ENTPD4: variants seen among roughly 807,000 people sequenced by gnomAD.
ENTPD4 encodes Golgi UDPase.
ENTPD4 carries 60 observed loss-of-function variants against 79.1 expected under a neutral mutation model. The observed-to-expected ratio is 0.76, with a 90% CI of 0.62 to 0.94. The LOEUF (loss-of-function observed/expected upper bound fraction) is 0.94. Ranked by LOEUF, ENTPD4 falls within the 40% of genes least tolerant of loss-of-function variation. The pLI is 0.00. For synonymous variants in ENTPD4, 276 were observed against 292.0 expected (o/e 0.95, Z 0.56); for missense variants, 772 against 775.1 (o/e 1.00, Z 0.05).
At chr8:23,441,152 A>T (rs1800661541) in intron 8 of ENTPD4, among the ~76,000 whole-genome samples, 1 of 152,248 alleles carries the variant, frequency 6.6e-6, no homozygotes, top group Admixed American at 6.5e-5. Flanking sequence ...ATGTGGAAGC[A>T]GTGGATACAA....
chr8:23,448,773 C>A lies in ENTPD4; in HGVS notation c.175G>T (p.Gly59Trp). ...AATTTCTTGTCTCTGGTTAGTCGCC[C>A]ATACTTATTTCGGATTATGACAACA... Reference protein sequence around the residue: ...FSVVIIRNKYGRLTRDKKFQR... With the variant: ...FSVVIIRNKYWRLTRDKKFQR... The change falls in exon 3 of 13, where the codon GGG becomes TGG. Residue 59 changes from glycine (G) to tryptophan (W), a missense_variant. Gly to Trp is a radical substitution (Grantham distance 184). Transcript: ENST00000358689. 1 of 1,614,082 alleles carries A rather than the reference C, an allele frequency of 6.2e-7. No homozygotes were observed. Among genetic ancestry groups the A allele is most frequent in the Non-Finnish European group, 8.5e-7 (1 of 1,180,016 alleles).
chr8:23,432,986 C>CGAGGAGCAGCTCGGG lies in ENTPD4; in HGVS notation c.1790_1791insCCCGAGCTGCTCCTC (p.Ser597_Ala598insProSerCysSerSer), dbSNP rs1554488287. 6.2e-7 allele frequency: 1 copy of CGAGGAGCAGCTCGGG among 1,613,648 alleles called. No homozygotes were observed. Among genetic ancestry groups the CGAGGAGCAGCTCGGG allele is most frequent in the Non-Finnish European group, 8.5e-7 (1 of 1,179,766 alleles). ...CCTCCTCCATCCAGAGGGCGGCGGC[C>CGAGGAGCAGCTCGGG]GAGCTGCTCCGGGGAGTGCGCCTGT... is the stretch of plus-strand genomic sequence containing the variant. On this transcript the variant is annotated inframe_insertion, in exon 13 of 13. Coordinates refer to ENST00000358689, the MANE Select transcript of ENTPD4 (RefSeq NM_004901.5).
rs1297713593 is a variant in ENTPD4, at chr8:23,452,648, T to C, written c.-97-2651A>G. 2.0e-5 allele frequency among the ~76,000 whole-genome samples: 3 copies of C among 152,308 alleles called. No homozygotes were observed. In the East Asian group the frequency reaches 5.8e-4, roughly 29 times the overall value. Reference sequence around the variant, plus strand: ...GAAAGCTCTTTGCACAGTACTGATCTGGGGCCTATCTTTCTGTCTCATTCC... The same window carrying C: ...GAAAGCTCTTTGCACAGTACTGATCCGGGGCCTATCTTTCTGTCTCATTCC... On this transcript the variant is annotated intron_variant, in intron 1 of 12. Coordinates refer to ENST00000358689, the MANE Select transcript of ENTPD4 (RefSeq NM_004901.5).
At chr8:23,456,202 T>G (rs903845942) in intron 1 of ENTPD4, among the ~76,000 whole-genome samples, 1 of 152,224 alleles carries the variant, frequency 6.6e-6, no homozygotes, top group Admixed American at 6.5e-5. Flanking sequence ...CAGTCCCAGA[T>G]ACCATCTCTC....
intron 1 of ENTPD4, among the ~76,000 whole-genome samples, chr8:23,454,407 GACATGAGGAGTAACA>G (rs1182162828): frequency 9.8e-5 from 15 of 152,322 alleles, no homozygotes; most frequent in Non-Finnish European, 1.8e-4. Context: ...CTACGAAGGT[GACATGAGGAGTAACA>G]AACCCAACTC....
At chr8:23,439,995 T>C in intron 8 of ENTPD4, 80 bp from the exon 9 acceptor site, 1 of 1,291,470 alleles carries the variant, frequency 7.7e-7, no homozygotes. Context: ...AAAAATAGTC[T>C]CATCTAAAAG....
At chr8:23,438,396 A>C (rs1800608881) in intron 9 of ENTPD4, among the ~76,000 whole-genome samples, 1 of 152,346 alleles carries the variant, frequency 6.6e-6, no homozygotes, top group Middle Eastern at 3.4e-3. Context: ...TCTTTGCCAT[A>C]AAAATGTTCG....
chr8:23,452,291 T>C (rs2117307675), intron 1 of ENTPD4, among the ~76,000 whole-genome samples: 1 of 152,282 alleles, frequency 6.6e-6, no homozygotes, highest in Admixed American at 6.5e-5. Context: ...AGAAGTCAAG[T>C]TTTAGAGTTC....
intron 1 of ENTPD4, among the ~76,000 whole-genome samples, chr8:23,451,647 G>A (rs1018155571): frequency 3.3e-5 from 5 of 152,108 alleles, no homozygotes; most frequent in East Asian, 3.9e-4. Context: ...TGACCTCATC[G>A]TCTGCTCTCT....
In ENTPD4 at chr8:23,450,421, C is replaced by G. The variant is rs978393579; in HGVS notation, c.-97-424G>C. 5.3e-5 allele frequency among the ~76,000 whole-genome samples: 8 copies of G among 152,334 alleles called. 1 individual carries two copies. The East Asian group carries it at 9.6e-4, about 18-fold the overall frequency. ...CAAAGTACTGTGCAAGGCACTTTGTCCCTAGTCAGTTCTCCGACTCCACCA... is the reference window on the plus strand; with the variant it reads ...CAAAGTACTGTGCAAGGCACTTTGTGCCTAGTCAGTTCTCCGACTCCACCA... On this transcript the variant is annotated intron_variant, in intron 1 of 12. Coordinates refer to ENST00000358689, the MANE Select transcript of ENTPD4 (RefSeq NM_004901.5).
Position 23,444,493 on chromosome 8 carries a change from T to C in ENTPD4, c.526A>G (p.Ile176Val), listed in dbSNP as rs916953119. 10 of 1,614,044 alleles carry C rather than the reference T, an allele frequency of 6.2e-6. No homozygotes were observed. The African/African-American group carries it at 1.2e-4, about 19-fold the overall frequency. Reference sequence around the variant, plus strand: ...ATTCTCATTCCAGCCGTGCAGAGAATGTAGAGAGGTGTCTCTTTGTGTTTT... The same window carrying C: ...ATTCTCATTCCAGCCGTGCAGAGAACGTAGAGAGGTGTCTCTTTGTGTTTT... The part of the protein sequence containing the change: ...RAKHKETPLY[I>V]LCTAGMRILP... The change falls in exon 5 of 13, where the codon ATT (isoleucine) becomes GTT (valine). Residue 176 changes from isoleucine to valine, a missense_variant. Ile to Val is a conservative substitution (Grantham distance 29, BLOSUM62 3). Coordinates refer to ENST00000358689, the MANE Select transcript of ENTPD4 (RefSeq NM_004901.5).
intron 2 of ENTPD4, 30 bp downstream of exon 2, chr8:23,449,863 T>A (rs763090008): frequency 3.2e-6 from 5 of 1,586,672 alleles, no homozygotes; most frequent in African/African-American, 1.3e-5. Context: ...CAAGATTTCA[T>A]GTTTCATGGT....
intron 5 of ENTPD4, 74 bp downstream of exon 5, chr8:23,444,382 A>G: frequency 7.9e-7 from 1 of 1,268,058 alleles, no homozygotes; most frequent in South Asian, 1.3e-5. Context: ...GAGGAGAAGG[A>G]GGAAGGGGGA....
chr8:23,443,791 AT>A (rs1362112330), intron 6 of ENTPD4, 58 bp downstream of exon 6: 6 of 979,154 alleles, frequency 6.1e-6, no homozygotes, highest in Non-Finnish European at 9.9e-6. Flanking sequence ...ATTGGTGAAA[AT>A]GGGGAGGATT....
chr8:23,441,030 A>C (rs1284393722), intron 8 of ENTPD4, among the ~76,000 whole-genome samples: 1 of 152,244 alleles, frequency 6.6e-6, no homozygotes, highest in Non-Finnish European at 1.5e-5. Flanking sequence ...GTAGCAATTC[A>C]GAAATACATC....
chr8:23,444,967 C>T (rs903044030), intron 4 of ENTPD4, among the ~76,000 whole-genome samples: 1 of 152,174 alleles, frequency 6.6e-6, no homozygotes, highest in African/African-American at 2.4e-5. Context: ...ACTGTGCCAC[C>T]AGCCATGCAG....
intron 10 of ENTPD4, 80 bp from the exon 11 acceptor site, chr8:23,435,557 T>C: frequency 1.0e-6 from 1 of 988,196 alleles, no homozygotes; most frequent in Non-Finnish European, 1.6e-6. Flanking sequence ...ACCAAATTTA[T>C]ATTTGTAACA....
intron 10 of ENTPD4, among the ~76,000 whole-genome samples, chr8:23,436,237 C>T (rs1184786853): frequency 6.6e-6 from 1 of 152,194 alleles, no homozygotes; most frequent in African/African-American, 2.4e-5. Context: ...TTGAGAAATA[C>T]TTGGAAGATA....
At chr8:23,442,132 C>T (rs185740229) in intron 6 of ENTPD4, 66 bp from the exon 7 acceptor site, 31 of 1,149,946 alleles carry the variant, frequency 2.7e-5, no homozygotes, top group South Asian at 7.5e-5. Flanking sequence ...CTCCTATCTG[C>T]GCAGTCTGTG....
Sources: allele counts gnomAD v4.1 joint callset (sites outside exome capture counted in the v4.1 genomes callset), GRCh38; gene constraint gnomAD v4.1.1; transcripts MANE v1.5; gene names NCBI Gene and HGNC (gene_info 2026-07-23, HGNC 2026-07-21).